Variants in MICU3 observed in about 807,000 individuals in gnomAD.
MICU3 encodes mitochondrial calcium uptake 3, also known as calcium uptake protein 3, mitochondrial.
Under a neutral mutation model 66.5 loss-of-function variants are expected in MICU3, and 62 were observed. That is an observed-to-expected ratio of 0.93 (90% confidence interval 0.76 to 1.15). The LOEUF is 1.15. MICU3 is among the 50% of genes most tolerant of loss of function. The probability of loss-of-function intolerance (pLI) is 0.00; values close to 1 mark genes in which losing one functional copy is unlikely to be tolerated. For missense variants in MICU3, 779 were observed against 664.4 expected, an observed-to-expected ratio of 1.17 and a Z score of -1.90; for synonymous variants, 308 against 240.7, an observed-to-expected ratio of 1.28 and a Z score of -2.59.
chr8:17,052,577 T>C (rs1442867930), intron 1 of MICU3, among the ~76,000 whole-genome samples: 1 of 152,164 alleles, frequency 6.6e-6, no homozygotes, highest in African/African-American at 2.4e-5. Flanking sequence ...TTATAAATGG[T>C]CAGTTGCTTT....
At chr8:17,129,238 T>C in the MICU3 span, among the ~76,000 whole-genome samples, 1 of 152,168 alleles carries the variant, frequency 6.6e-6, no homozygotes, top group Non-Finnish European at 1.5e-5. Flanking sequence ...GTAGTATCCA[T>C]AACATCCACT....
At chr8:17,098,201 C>T (rs763690025) in intron 8 of MICU3, among the ~76,000 whole-genome samples, 4 of 151,466 alleles carry the variant, frequency 2.6e-5, no homozygotes, top group Non-Finnish European at 5.9e-5. Flanking sequence ...AAGGAGAGAT[C>T]GGAGAATTTG....
chr8:17,061,887 A>C (rs1817882528), intron 1 of MICU3, among the ~76,000 whole-genome samples: 1 of 152,044 alleles, frequency 6.6e-6, no homozygotes, highest in Non-Finnish European at 1.5e-5. Context: ...CTCATGTCTC[A>C]CCCACGGCAG....
chr8:17,039,077 A>G (rs891859393), intron 1 of MICU3, among the ~76,000 whole-genome samples: 1 of 152,216 alleles, frequency 6.6e-6, no homozygotes, highest in Non-Finnish European at 1.5e-5. Flanking sequence ...AAGACCCTTC[A>G]GCATCAAAAA....
rs781391727 is a variant in MICU3, at chr8:17,064,170, A to T, written c.468A>T (p.Glu156Asp). 5.6e-6 allele frequency: 9 copies of T among 1,613,346 alleles called. No homozygotes were observed. Among genetic ancestry groups the T allele is most frequent in the Non-Finnish European group, 7.6e-6 (9 of 1,179,476 alleles). The change falls in exon 2 of 15, where the codon GAA (glutamate) becomes GAT (aspartate). Residue 156 changes from glutamate to aspartate, a missense_variant. Glu to Asp is a conservative substitution (Grantham distance 45). Coordinates refer to ENST00000318063, the MANE Select transcript of MICU3 (RefSeq NM_181723.3). ...GATTTCGTTTATTTGCTTCTATAGA[A>T]TGTGAAGGGCAGTTATTCATGACTC... ...ERRFRLFASI[E>D]CEGQLFMTPY...
intron 1 of MICU3, among the ~76,000 whole-genome samples, chr8:17,053,495 G>A (rs1816436235): frequency 6.6e-6 from 1 of 152,134 alleles, no homozygotes; most frequent in African/African-American, 2.4e-5. Flanking sequence ...ACCTTAACAA[G>A]TAACATCTAA....
chr8:17,092,066 T>C (rs1389988799), intron 8 of MICU3, among the ~76,000 whole-genome samples: 1 of 151,944 alleles, frequency 6.6e-6, no homozygotes, highest in Non-Finnish European at 1.5e-5. Context: ...TTAGTAGAGA[T>C]TGGGTTTCAC....
At chr8:17,113,269 C>T (rs1802373683) in intron 11 of MICU3, among the ~76,000 whole-genome samples, 1 of 152,198 alleles carries the variant, frequency 6.6e-6, no homozygotes, top group South Asian at 2.1e-4. Context: ...CGGCCTTCTG[C>T]TCTTCTCTCT....
chr8:17,098,572 A>G lies in MICU3; in HGVS notation c.984+19A>G, dbSNP rs1800972450. On this transcript the variant is annotated intron_variant, in intron 9 of 14. Transcript: ENST00000318063. Reference sequence around the variant, plus strand: ...CGCAGAGGTATAATTAAACCTCAACAAGGTCCTTGTACTATTTGCCATCTT... The same window carrying G: ...CGCAGAGGTATAATTAAACCTCAACGAGGTCCTTGTACTATTTGCCATCTT... 4.7e-6 allele frequency: 7 copies of G among 1,503,894 alleles called. No homozygotes were observed. In the Admixed American group the frequency reaches 8.4e-5, roughly 18 times the overall value. 93.2% of individuals were successfully genotyped at this position (1,503,894 alleles called of 1,614,324 possible).
the MICU3 span, chr8:17,132,631 G>A: frequency 1.3e-5 from 2 of 152,202 alleles, no homozygotes; most frequent in African/African-American, 2.4e-5. Flanking sequence ...GTAGCATGAG[G>A]AGTCCAGAAT....
At chr8:17,043,270 A>G (rs574290450) in intron 1 of MICU3, among the ~76,000 whole-genome samples, 1 of 152,216 alleles carries the variant, frequency 6.6e-6, no homozygotes, top group East Asian at 1.9e-4. Context: ...GTTTCACATC[A>G]GATCAGAAAG....
At chr8:17,061,492 A>G (rs947484054) in intron 1 of MICU3, among the ~76,000 whole-genome samples, 3 of 152,160 alleles carry the variant, frequency 2.0e-5, no homozygotes, top group Non-Finnish European at 4.4e-5. Context: ...GCATGTCAGG[A>G]GCAGTAGTAG....
chr8:17,035,509 G>A (rs1246154692), intron 1 of MICU3, among the ~76,000 whole-genome samples: 3 of 152,222 alleles, frequency 2.0e-5, no homozygotes, highest in African/African-American at 7.2e-5. Flanking sequence ...CGAGGAACTT[G>A]TTGGGAACTG....
At position 17,087,110 on chromosome 8, in the gene MICU3, T is replaced by C. The variant is rs373176297; in HGVS notation, c.849+75T>C. ...TTTTATTCATGTTAAGAAACAATAATTAAAGTTTGTAACTTTGAAGCTGTC... is the reference window on the plus strand; with the variant it reads ...TTTTATTCATGTTAAGAAACAATAACTAAAGTTTGTAACTTTGAAGCTGTC... On this transcript the variant is annotated intron_variant, in intron 7 of 14. Transcript: ENST00000318063. The C allele has an allele frequency of 7.6e-5, 76 of 1,006,290 alleles. 2 individuals are homozygous for C. The South Asian group carries it at 9.5e-4, about 13-fold the overall frequency. 62.3% of individuals were successfully genotyped at this position (1,006,290 alleles called of 1,614,324 possible).
intron 1 of MICU3, among the ~76,000 whole-genome samples, chr8:17,028,525 C>G (rs1000498282): frequency 2.6e-5 from 4 of 152,220 alleles, no homozygotes; most frequent in East Asian, 3.9e-4. Flanking sequence ...TTGCAAGGCT[C>G]GAAGAATGTG....
At chr8:17,128,229 T>TACAG in the MICU3 span, among the ~76,000 whole-genome samples, 146 of 144,546 alleles carry the variant, frequency 1.0e-3, no homozygotes, top group African/African-American at 3.2e-3. Context: ...GAGATCAGTG[T>TACAG]ACACACACAC....
chr8:17,072,396 GTTC>G (rs1819717244), intron 3 of MICU3, among the ~76,000 whole-genome samples: 1 of 150,950 alleles, frequency 6.6e-6, no homozygotes, highest in Non-Finnish European at 1.5e-5. Context: ...GATGGATTAA[GTTC>G]TTATTTGTGA....
At chr8:17,076,940 T>A (rs1820472403) in intron 3 of MICU3, among the ~76,000 whole-genome samples, 1 of 152,204 alleles carries the variant, frequency 6.6e-6, no homozygotes, top group Non-Finnish European at 1.5e-5. Flanking sequence ...CTTTGTTGTT[T>A]CAAATTATTT....
chr8:17,116,424 C>G lies in MICU3; in HGVS notation c.1367-19C>G. On this transcript the variant is annotated intron_variant, in intron 12 of 14. Transcript: ENST00000318063. ...AAAATAATAACAGTCTATTCTTTTT[C>G]TATGTAACATTTATCTAGATGAATT... is the stretch of plus-strand genomic sequence containing the variant. 1 of 1,390,318 alleles carries G rather than the reference C, an allele frequency of 7.2e-7. No homozygotes were observed. The highest frequency in any genetic ancestry group is 9.4e-7 in the Non-Finnish European group (1 of 1,060,218). 86.1% of individuals were successfully genotyped at this position (1,390,318 alleles called of 1,614,324 possible).
Sources: gnomAD v4.1 joint callset for allele counts (sites outside exome capture counted in the v4.1 genomes callset) on GRCh38, gnomAD v4.1.1 for gene constraint, MANE v1.5 for transcripts, NCBI Gene and HGNC (gene_info 2026-07-23, HGNC 2026-07-21) for gene names.